ZEB1: variants seen among roughly 807,000 people sequenced by gnomAD.
ZEB1 encodes the protein zinc finger E-box-binding homeobox 1.
In ZEB1, 21 loss-of-function variants were observed where a neutral mutation model predicts 84.9. The ratio of observed to expected loss-of-function variants is 0.25; its 90% CI spans 0.18 to 0.36. ZEB1 has a LOEUF of 0.36. Ranked by LOEUF, ZEB1 falls within the 10% of genes least tolerant of loss-of-function variation. ZEB1 has a pLI of 1.00. For missense variants in ZEB1, 1,104 were observed against 1,330.2 expected (o/e 0.83, Z 2.65); for synonymous variants, 420 against 471.1 (o/e 0.89, Z 1.41).
chr10:31,422,885 A>G (rs990582738), intron 1 of ZEB1, among the ~76,000 whole-genome samples: 2 of 151,832 alleles, frequency 1.3e-5, no homozygotes, highest in Admixed American at 1.3e-4. Context: ...TGTGTGCCCA[A>G]TGCTTAGCTC....
chr10:31,489,288 C>CT (rs1479809193), intron 2 of ZEB1, among the ~76,000 whole-genome samples: 1 of 151,224 alleles, frequency 6.6e-6, no homozygotes, highest in Admixed American at 6.6e-5. Context: ...ATCACGCTAG[C>CT]TTTCTTCTGG....
intron 1 of ZEB1, among the ~76,000 whole-genome samples, chr10:31,364,021 G>C (rs2043939217): frequency 6.6e-6 from 1 of 152,186 alleles, no homozygotes; most frequent in African/African-American, 2.4e-5. Flanking sequence ...GCAGAACCAG[G>C]AACAAAATAC....
intron 3 of ZEB1, among the ~76,000 whole-genome samples, chr10:31,500,186 TATTA>T (rs1202035479): frequency 2.0e-5 from 3 of 152,048 alleles, no homozygotes; most frequent in African/African-American, 7.3e-5. Context: ...TCACATAAAA[TATTA>T]ATTTCATTTT....
intron 1 of ZEB1, among the ~76,000 whole-genome samples, chr10:31,338,402 G>A (rs2038662801): frequency 6.6e-6 from 1 of 152,180 alleles, no homozygotes; most frequent in Admixed American, 6.5e-5. Context: ...TGTTGGGTAA[G>A]GTCACTTAGC....
At chr10:31,459,505 T>G (rs1401158219) in intron 1 of ZEB1, among the ~76,000 whole-genome samples, 1 of 152,142 alleles carries the variant, frequency 6.6e-6, no homozygotes, top group African/African-American at 2.4e-5. Context: ...CTGCCTTTAC[T>G]AACTTTACAT....
intron 2 of ZEB1, among the ~76,000 whole-genome samples, chr10:31,474,065 T>C (rs941253608): frequency 6.6e-6 from 1 of 152,216 alleles, no homozygotes; most frequent in Admixed American, 6.5e-5. Flanking sequence ...CAATTCAAGA[T>C]GGATTAAAGA....
intron 1 of ZEB1, chr10:31,361,079 A>C (rs2042969078): frequency 3.7e-6 from 6 of 1,611,740 alleles, no homozygotes; most frequent in Non-Finnish European, 4.2e-6. Context: ...CTTTTCTCTA[A>C]GACTTACAAA....
intron 1 of ZEB1, chr10:31,361,104 T>C: frequency 6.2e-7 from 1 of 1,611,990 alleles, no homozygotes; most frequent in South Asian, 1.1e-5. Flanking sequence ...AAGAACGATC[T>C]GATCTTACAG....
At chr10:31,440,060 G>C (rs989370996) in intron 1 of ZEB1, among the ~76,000 whole-genome samples, 1 of 152,198 alleles carries the variant, frequency 6.6e-6, no homozygotes, top group East Asian at 1.9e-4. Flanking sequence ...TAGTGGCAGG[G>C]AATTGGTAGT....
In ZEB1 at chr10:31,384,561, G is replaced by A. The variant is rs146739400; in HGVS notation, c.58+65269G>A. On this transcript the variant is annotated intron_variant, in intron 1 of 8. Coordinates refer to ENST00000424869, the MANE Select transcript of ZEB1 (RefSeq NM_001174096.2). ...AGAAAACAGTCTTTCACTACAGATT[G>A]CGTGAGAAACATTGGCCAGCATTAA... Among the ~76,000 whole-genome samples the A allele has an allele frequency of 3.9e-5, 6 of 152,302 alleles. No individual in the cohort carries two copies. In the East Asian group the frequency reaches 1.2e-3, roughly 29 times the overall value.
chr10:31,404,982 A>T (rs1442464417), intron 1 of ZEB1, among the ~76,000 whole-genome samples: 2 of 152,180 alleles, frequency 1.3e-5, no homozygotes, highest in Admixed American at 1.3e-4. Flanking sequence ...TGCTACTGCT[A>T]TGTTGAAATT....
intron 2 of ZEB1, among the ~76,000 whole-genome samples, chr10:31,467,453 G>A (rs1347237390): frequency 1.3e-5 from 2 of 152,164 alleles, no homozygotes; most frequent in African/African-American, 2.4e-5. Flanking sequence ...GCAGGACTGA[G>A]GTGAATCTAA....
At chr10:31,362,050 G>A (rs1254701730) in intron 1 of ZEB1, among the ~76,000 whole-genome samples, 2 of 151,160 alleles carry the variant, frequency 1.3e-5, no homozygotes, top group East Asian at 2.0e-4. Flanking sequence ...CGGCGGCGGG[G>A]CAGAGGCGCT....
At chr10:31,438,076 A>T (rs1166506696) in intron 1 of ZEB1, among the ~76,000 whole-genome samples, 1 of 152,226 alleles carries the variant, frequency 6.6e-6, no homozygotes, top group Non-Finnish European at 1.5e-5. Flanking sequence ...TGTATGTGAG[A>T]TACTATAACC....
At chr10:31,362,058 GCTC>G (rs1564587279) in intron 1 of ZEB1, among the ~76,000 whole-genome samples, 1 of 144,080 alleles carries the variant, frequency 6.9e-6, no homozygotes, top group East Asian at 2.2e-4. Flanking sequence ...GGGCAGAGGC[GCTC>G]CTCATTTCCC....
At chr10:31,348,895 A>G (rs997527541) in intron 1 of ZEB1, among the ~76,000 whole-genome samples, 2 of 152,220 alleles carry the variant, frequency 1.3e-5, no homozygotes, top group Non-Finnish European at 2.9e-5. Context: ...GGCTAAATCA[A>G]GCTAATTAAC....
intron 1 of ZEB1, among the ~76,000 whole-genome samples, chr10:31,371,242 T>C (rs1221384169): frequency 6.6e-6 from 1 of 152,128 alleles, no homozygotes; most frequent in Non-Finnish European, 1.5e-5. Flanking sequence ...TATAATTACA[T>C]CACAGCCATT....
chr10:31,374,263 C>T (rs561424829), intron 1 of ZEB1, among the ~76,000 whole-genome samples: 16 of 151,880 alleles, frequency 1.1e-4, no homozygotes, highest in Middle Eastern at 6.8e-3. Context: ...TTGAATCTGG[C>T]CATGTTCTTA....
intron 1 of ZEB1, among the ~76,000 whole-genome samples, chr10:31,409,126 C>A (rs1401402329): frequency 6.6e-6 from 1 of 152,170 alleles, no homozygotes; most frequent in Admixed American, 6.5e-5. Context: ...ATTTATGCAG[C>A]CAACAAACAC....
Sources: gnomAD v4.1 joint callset for allele counts (sites outside exome capture counted in the v4.1 genomes callset) on GRCh38, gnomAD v4.1.1 for gene constraint, MANE v1.5 for transcripts, NCBI Gene and HGNC (gene_info 2026-07-23, HGNC 2026-07-21) for gene names.